The following STK32B variants were observed in gnomAD, a reference collection of about 807,000 sequenced individuals.
The protein encoded by STK32B is serine/threonine kinase 32B, also known as serine/threonine-protein kinase 32B.
STK32B carries 43 observed loss-of-function variants against 52.6 expected under a neutral mutation model. The observed-to-expected ratio is 0.82, with a 90% CI of 0.64 to 1.05. The LOEUF (loss-of-function observed/expected upper bound fraction) is 1.05, where lower values mean the gene tolerates loss of function less well. Among genes scored for constraint, STK32B ranks in the 50% least tolerant of loss-of-function variants. STK32B has a pLI of 0.00. For missense variants in STK32B, 621 were observed against 534.6 expected, an observed-to-expected ratio of 1.16 and a Z score of -1.59; for synonymous variants, 238 against 204.3, an observed-to-expected ratio of 1.17 and a Z score of -1.41.
At chr4:5,134,510 GT>G (rs1715956959) in intron 1 of STK32B, among the ~76,000 whole-genome samples, 2 of 152,090 alleles carry the variant, frequency 1.3e-5, no homozygotes, top group Admixed American at 6.6e-5. Flanking sequence ...CTCCAGAACT[GT>G]GAAAAAATAA....
rs760527553 is a variant in STK32B, at chr4:5,400,412, T to G, written c.472+2168T>G. ...TCTTTTTCCACCCCCTGCTTGGCCT[T>G]CACAGTGTCCCAGCCCTGCCTTCTG... On this transcript the variant is annotated intron_variant, in intron 5 of 11. Transcript: ENST00000282908. The surrounding 1 kb of genome is among the most constrained non-coding windows in gnomAD (Gnocchi z 6.1). 3.1e-4 allele frequency among the ~76,000 whole-genome samples: 47 copies of G among 152,098 alleles called. No homozygotes were observed. The highest frequency in any genetic ancestry group is 4.9e-4 in the Non-Finnish European group (33 of 68,028).
At chr4:5,257,701 G>A (rs1271776600) in intron 3 of STK32B, among the ~76,000 whole-genome samples, 2 of 152,254 alleles carry the variant, frequency 1.3e-5, no homozygotes, top group African/African-American at 4.8e-5. Flanking sequence ...CCAGCACTTT[G>A]GGAGGCCAAG....
chr4:5,213,444 C>T (rs968848769), intron 3 of STK32B, among the ~76,000 whole-genome samples: 17 of 152,192 alleles, frequency 1.1e-4, no homozygotes, highest in African/African-American at 4.1e-4. Context: ...GGGATTGGAG[C>T]CTAATAACTA....
chr4:5,109,458 G>T (rs953647144), intron 1 of STK32B, among the ~76,000 whole-genome samples: 3 of 152,180 alleles, frequency 2.0e-5, no homozygotes, highest in Non-Finnish European at 2.9e-5. Context: ...AATACAGAAT[G>T]CTGTGATAGA....
Position 5,080,662 on chromosome 4 carries a change from CAAAT to C in STK32B, c.52+28751_52+28754del, listed in dbSNP as rs142603169. Among the ~76,000 whole-genome samples the C allele has an allele frequency of 0.021, 3,192 of 152,130 alleles. 228 individuals are homozygous for C. The East Asian group carries it at 0.26, about 13-fold the overall frequency. On this transcript the variant is annotated intron_variant, in intron 1 of 11. Coordinates refer to ENST00000282908, the MANE Select transcript of STK32B (RefSeq NM_018401.3). ...TTTCCAACTTTATTGAGATAATTGA[CAAAT>C]AAAAATTGTACATATTTAAGGTGTA...
chr4:5,247,114 A>G (rs1173926358), intron 3 of STK32B, among the ~76,000 whole-genome samples: 1 of 152,196 alleles, frequency 6.6e-6, no homozygotes, highest in Non-Finnish European at 1.5e-5. Context: ...AGACAGGGAC[A>G]TTTAAGACTG....
intron 3 of STK32B, chr4:5,204,172 C>G (rs373998863): frequency 1.3e-5 from 2 of 152,164 alleles, no homozygotes. Context: ...GCTGCACTTT[C>G]GAAAGAGCAG....
At chr4:5,127,062 AT>A in intron 1 of STK32B, 1 of 500,298 alleles carries the variant, frequency 2.0e-6, no homozygotes, top group South Asian at 1.5e-5. Context: ...TGCCATGGAC[AT>A]TGGTGCTGCC....
intron 3 of STK32B, among the ~76,000 whole-genome samples, chr4:5,243,387 A>T (rs376192903): frequency 1.3e-5 from 2 of 152,026 alleles, no homozygotes; most frequent in Non-Finnish European, 2.9e-5. Flanking sequence ...TTTGTCTGTT[A>T]TTGGTGTATA....
In STK32B at chr4:5,453,345, A is replaced by G. The variant is rs1456429020; in HGVS notation, c.667-3462A>G. Among the ~76,000 whole-genome samples, 2 of 152,192 alleles carry G rather than the reference A, an allele frequency of 1.3e-5. No individual in the cohort carries two copies. The highest frequency in any genetic ancestry group is 1.5e-5 in the Non-Finnish European group (1 of 68,048). ...AAATGTAAATGATAAGAAAACATTT[A>G]CATTTGTTTCTGGCTGGTGTTCAAG... On this transcript the variant is annotated intron_variant, in intron 7 of 11. Coordinates refer to ENST00000282908, the MANE Select transcript of STK32B (RefSeq NM_018401.3). The surrounding 1 kb of genome is among the most constrained non-coding windows in gnomAD (Gnocchi z 4.0).
At chr4:5,489,322 A>T (rs1479401491) in intron 11 of STK32B, among the ~76,000 whole-genome samples, 1 of 152,188 alleles carries the variant, frequency 6.6e-6, no homozygotes. Context: ...TAGCCTGTAA[A>T]TATCAATTGT....
At chr4:5,156,107 ACT>A (rs1386682598) in intron 2 of STK32B, among the ~76,000 whole-genome samples, 1 of 151,592 alleles carries the variant, frequency 6.6e-6, no homozygotes, top group Non-Finnish European at 1.5e-5. Flanking sequence ...ACATATATAC[ACT>A]CAATGTATAT....
At chr4:5,282,054 T>C (rs554860138) in intron 3 of STK32B, among the ~76,000 whole-genome samples, 4 of 151,836 alleles carry the variant, frequency 2.6e-5, no homozygotes, top group Non-Finnish European at 5.9e-5. Context: ...ATGGAATAAC[T>C]AAGTTAAGCT....
chr4:5,444,163 A>C (rs993539495), intron 6 of STK32B, among the ~76,000 whole-genome samples: 1 of 151,946 alleles, frequency 6.6e-6, no homozygotes, highest in African/African-American at 2.4e-5. Context: ...TGTTTACCTA[A>C]TCAAGCCTGG....
intron 1 of STK32B, among the ~76,000 whole-genome samples, chr4:5,066,013 C>T (rs1742407621): frequency 6.6e-6 from 1 of 152,178 alleles, no homozygotes; most frequent in Admixed American, 6.5e-5. Flanking sequence ...TGTGAGCCAC[C>T]ATGCCTGGCC....
chr4:5,033,669 G>A, the STK32B span, among the ~76,000 whole-genome samples: 12 of 152,192 alleles, frequency 7.9e-5, no homozygotes, highest in Non-Finnish European at 1.6e-4. Flanking sequence ...CAAGAAGGGC[G>A]GAAGCACCCC....
At chr4:5,390,743 A>G (rs1736545700) in intron 4 of STK32B, among the ~76,000 whole-genome samples, 1 of 152,086 alleles carries the variant, frequency 6.6e-6, no homozygotes. Context: ...ACAGAAGTGT[A>G]TTCTTTTACA....
intron 4 of STK32B, among the ~76,000 whole-genome samples, chr4:5,360,309 A>ACCATGCCAGCCTTCAAAGTACT (rs1288151457): frequency 6.6e-6 from 1 of 152,136 alleles, no homozygotes; most frequent in Admixed American, 6.5e-5. Flanking sequence ...TGGGGGCAGA[A>ACCATGCCAGCCTTCAAAGTACT]CCATGCCAGC....
chr4:5,414,593 G>A (rs1712000697), intron 5 of STK32B, among the ~76,000 whole-genome samples: 1 of 152,172 alleles, frequency 6.6e-6, no homozygotes, highest in African/African-American at 2.4e-5. Flanking sequence ...CACACTCCAT[G>A]ATACATGGCT....
Sources: allele counts gnomAD v4.1 joint callset (sites outside exome capture counted in the v4.1 genomes callset), GRCh38; gene constraint gnomAD v4.1.1; non-coding constraint Gnocchi (gnomAD v3.1); transcripts MANE v1.5; gene names NCBI Gene and HGNC (gene_info 2026-07-23, HGNC 2026-07-21).